Variants in TLR3 observed in about 807,000 individuals in gnomAD.
TLR3 encodes the protein toll-like receptor 3.
TLR3 carries 43 observed loss-of-function variants against 66.4 expected under a neutral mutation model. The ratio of observed to expected loss-of-function variants is 0.65; its 90% CI spans 0.51 to 0.83. TLR3 has a LOEUF of 0.83. Among genes scored for constraint, TLR3 ranks in the 40% least tolerant of loss-of-function variants. The pLI is 0.00. For missense variants in TLR3, 982 were observed against 1,044.6 expected (o/e 0.94, Z 0.83); for synonymous variants, 397 against 397.2 (o/e 1.00, Z 0.01).
intron 3 of TLR3, 92 bp downstream of exon 3, chr4:186,079,123 C>A: frequency 8.7e-7 from 1 of 1,150,388 alleles, no homozygotes; most frequent in Non-Finnish European, 1.3e-6. Flanking sequence ...TGCTCTCTAG[C>A]CTCTGCCTGT....
chr4:186,072,790 C>T (rs1232867460), intron 1 of TLR3, among the ~76,000 whole-genome samples: 2 of 152,114 alleles, frequency 1.3e-5, no homozygotes, highest in Non-Finnish European at 2.9e-5. Flanking sequence ...TGGGTGGAGA[C>T]GCAGAGGCAA....
intron 1 of TLR3, among the ~76,000 whole-genome samples, chr4:186,071,968 A>T (rs2150065274): frequency 6.6e-6 from 1 of 152,334 alleles, no homozygotes; most frequent in East Asian, 1.9e-4. Context: ...TGATCACACC[A>T]CAGAGTATCA....
At position 186,084,813 on chromosome 4, in the gene TLR3, G is replaced by C; in HGVS notation, c.2655G>C (p.Arg885=). The change falls in exon 5 of 5, where the codon CGG becomes CGC. Residue 885 remains arginine, a synonymous_variant. Transcript: ENST00000296795. ...CILNWPVQKE[R]IGAFRHKLQV... is the part of the protein sequence containing the mutation. ...TGAACTGGCCAGTTCAGAAAGAACG[G>C]ATAGGTGCCTTTCGTCATAAATTGC... The C allele has an allele frequency of 6.2e-7, 1 of 1,614,042 alleles. No individual in the cohort carries two copies. The highest frequency in any genetic ancestry group is 8.5e-7 in the Non-Finnish European group (1 of 1,180,000).
Position 186,084,902 on chromosome 4 carries a change from A to G in TLR3, c.*29A>G, listed in dbSNP as rs1164808453. 1 of 1,565,748 alleles carries G rather than the reference A, an allele frequency of 6.4e-7. No homozygotes were observed. The highest frequency in any genetic ancestry group is 2.3e-5 in the East Asian group (1 of 44,012). ...TATTTAAATATTCAATTAGCAAAGG[A>G]GAAACTTTCTCAATTTAAAAAGTTC... On this transcript the variant is annotated 3_prime_UTR_variant, in exon 5 of 5. Transcript: ENST00000296795.
Position 186,082,814 on chromosome 4 carries a change from A to G in TLR3, c.1128A>G (p.Thr376=). 6.2e-7 allele frequency: 1 copy of G among 1,614,122 alleles called. No individual in the cohort carries two copies. The highest frequency in any genetic ancestry group is 8.5e-7 in the Non-Finnish European group (1 of 1,179,994). ...CAGGCATAAAAAGCAATATGTTCACAGGATTGATAAACCTGAAATACTTAA... is the reference window on the plus strand; with the variant it reads ...CAGGCATAAAAAGCAATATGTTCACGGGATTGATAAACCTGAAATACTTAA... The part of the protein sequence containing the change: ...DIPGIKSNMF[T]GLINLKYLSL... The change falls in exon 4 of 5, where the codon ACA becomes ACG. Residue 376 remains threonine, a synonymous_variant. Transcript: ENST00000296795.
rs547797985 is a variant in TLR3 at position 186,082,678 on chromosome 4, G to T, written c.992G>T (p.Arg331Leu). 1 of 1,613,874 alleles carries T rather than the reference G, an allele frequency of 6.2e-7. No homozygotes were observed. The highest frequency in any genetic ancestry group is 1.7e-5 in the Admixed American group (1 of 60,010). The change falls in exon 4 of 5, where the codon CGG (arginine) becomes CTG (leucine). Residue 331 changes from arginine to leucine, a missense_variant. Arg to Leu is a moderately radical substitution (Grantham distance 102). Around this residue, in one of 3 missense-constraint regions of TLR3, gnomAD observed 666 missense variants for 709.0 expected, o/e 0.94. Coordinates refer to ENST00000296795, the MANE Select transcript of TLR3 (RefSeq NM_003265.3). The part of the protein sequence containing the change: ...LFNVRYLNLK[R>L]SFTKQSISLA... Reference sequence around the variant, plus strand: ...AATGTGAGGTACCTGAATTTGAAACGGTCTTTTACTAAACAAAGTATTTCC... The same window carrying T: ...AATGTGAGGTACCTGAATTTGAAACTGTCTTTTACTAAACAAAGTATTTCC...
In TLR3 at chr4:186,083,576, C is replaced by G. The variant is rs145921610; in HGVS notation, c.1890C>G (p.Phe630Leu). The G allele has an allele frequency of 3.1e-6, 5 of 1,612,890 alleles. No individual in the cohort carries two copies. The highest frequency in any genetic ancestry group is 3.4e-6 in the Non-Finnish European group (4 of 1,179,572). ...NLITSVEKKV[F>L]GPAFRNLTEL... ...TAACATCCGTTGAGAAGAAGGTTTT[C>G]GGGCCAGCTTTCAGGAACCTGACTG... Residue 630 changes from phenylalanine to leucine, a missense_variant, in exon 4 of 5, where the codon TTC (phenylalanine) becomes TTG (leucine). Phe to Leu is a conservative substitution (Grantham distance 22, BLOSUM62 0). Coordinates refer to ENST00000296795, the MANE Select transcript of TLR3 (RefSeq NM_003265.3). The surrounding 1 kb of genome is among the most constrained non-coding windows in gnomAD (Gnocchi z 4.0).
Position 186,082,845 on chromosome 4 carries a change from T to C in TLR3, c.1159T>C (p.Ser387Pro). 6.2e-7 allele frequency: 1 copy of C among 1,613,810 alleles called. No homozygotes were observed. The highest frequency in any genetic ancestry group is 8.5e-7 in the Non-Finnish European group (1 of 1,179,776). Residue 387 changes from serine (S) to proline (P), a missense_variant, in exon 4 of 5, where the codon TCC (serine) becomes CCC (proline). Coordinates refer to ENST00000296795, the MANE Select transcript of TLR3 (RefSeq NM_003265.3). The stretch of plus-strand genomic sequence containing the variant: ...GATAAACCTGAAATACTTAAGTCTA[T>C]CCAACTCCTTTACAAGTTTGCGAAC... ...GLINLKYLSL[S>P]NSFTSLRTLT...
At chr4:186,078,380 A>G (rs1481665766) in intron 2 of TLR3, among the ~76,000 whole-genome samples, 1 of 152,198 alleles carries the variant, frequency 6.6e-6, no homozygotes. Flanking sequence ...AAAATTTCAT[A>G]GATGGCAAAA....
rs2099304491 is a variant in TLR3 at position 186,087,160 on chromosome 4, G to A, written c.*2287G>A. ...ATTTTTCCATTTGATTGAGTTCTAGGAAGCCTTTAGTTTCCCTGCCTGCAG... is the reference window on the plus strand; with the variant it reads ...ATTTTTCCATTTGATTGAGTTCTAGAAAGCCTTTAGTTTCCCTGCCTGCAG... On this transcript the variant is annotated 3_prime_UTR_variant, in exon 5 of 5. Transcript: ENST00000296795. The A allele has an allele frequency of 6.6e-6, 1 of 152,094 alleles. No homozygotes were observed. Among genetic ancestry groups the A allele is most frequent in the Non-Finnish European group, 1.5e-5 (1 of 68,018 alleles). 9.4% of individuals were successfully genotyped at this position (152,094 alleles called of 1,614,324 possible).
chr4:186,076,241 T>C (rs541405603), intron 1 of TLR3, among the ~76,000 whole-genome samples: 1 of 152,296 alleles, frequency 6.6e-6, no homozygotes, highest in Admixed American at 6.5e-5. Context: ...AAAAATATAA[T>C]TAAATTCCTT....
Position 186,082,943 on chromosome 4 carries a change from C to A in TLR3, c.1257C>A (p.Ile419=), listed in dbSNP as rs1266706642. ...TACTCAACCTAACCAAGAATAAAAT[C>A]TCAAAAATAGAGAGTGATGCTTTCT... ...LHILNLTKNK[I]SKIESDAFSW... Residue 419 remains isoleucine, a synonymous_variant, in exon 4 of 5, where the codon ATC becomes ATA. Coordinates refer to ENST00000296795, the MANE Select transcript of TLR3 (RefSeq NM_003265.3). The A allele has an allele frequency of 6.2e-7, 1 of 1,614,156 alleles. No individual in the cohort carries two copies. Among genetic ancestry groups the A allele is most frequent in the South Asian group, 1.1e-5 (1 of 91,076 alleles).
chr4:186,069,833 G>A (rs528512736), intron 1 of TLR3, among the ~76,000 whole-genome samples: 13 of 152,338 alleles, frequency 8.5e-5, no homozygotes, highest in South Asian at 2.1e-4. Context: ...AACTGGTATC[G>A]GCAATTGTGG....
At chr4:186,071,679 G>GTT (rs11320523) in intron 1 of TLR3, among the ~76,000 whole-genome samples, 8 of 152,022 alleles carry the variant, frequency 5.3e-5, no homozygotes, top group East Asian at 3.9e-4. Flanking sequence ...ATGGAAGCCA[G>GTT]TTTTTTTTGT....
intron 3 of TLR3, 117 bp downstream of exon 3, chr4:186,079,148 T>C (rs180754159): frequency 2.1e-6 from 2 of 958,658 alleles, no homozygotes; most frequent in African/African-American, 3.3e-5. Context: ...CAGCAATCCT[T>C]CCCACCTACT....
At position 186,082,685 on chromosome 4, in the gene TLR3, T is replaced by C; in HGVS notation, c.999T>C (p.Phe333=). The stretch of plus-strand genomic sequence containing the variant: ...GGTACCTGAATTTGAAACGGTCTTT[T>C]ACTAAACAAAGTATTTCCCTTGCCT... ...NVRYLNLKRS[F]TKQSISLASL... The change falls in exon 4 of 5, where the codon TTT becomes TTC. Residue 333 remains phenylalanine, a synonymous_variant. Coordinates refer to ENST00000296795, the MANE Select transcript of TLR3 (RefSeq NM_003265.3). 1 of 1,614,100 alleles carries C rather than the reference T, an allele frequency of 6.2e-7. No homozygotes were observed. Among genetic ancestry groups the C allele is most frequent in the Non-Finnish European group, 8.5e-7 (1 of 1,179,966 alleles).
intron 1 of TLR3, among the ~76,000 whole-genome samples, chr4:186,072,164 G>A (rs1177101941): frequency 6.6e-6 from 1 of 152,222 alleles, no homozygotes; most frequent in Non-Finnish European, 1.5e-5. Flanking sequence ...TGCAAGTGGT[G>A]CAGGCAGCAT....
chr4:186,082,045 T>G (rs2099303581), intron 3 of TLR3: 2 of 423,880 alleles, frequency 4.7e-6, no homozygotes, highest in Non-Finnish European at 8.5e-6. Flanking sequence ...GCCTACACGG[T>G]GAAACCCCGA....
rs571300094 is a variant in TLR3, at chr4:186,083,369, G to T, written c.1683G>T (p.Leu561=). ...PGGPIYFLKG[L]SHLHILNLES... ...GTCCCATTTATTTCCTAAAGGGTCT[G>T]TCTCACCTCCACATCCTTAACTTGG... Residue 561 remains leucine (L), a synonymous_variant, in exon 4 of 5, where the codon CTG becomes CTT. Transcript: ENST00000296795. This position sits in a 1 kb window ranked among gnomAD's most constrained non-coding sequence, Gnocchi z 4.0. The T allele has an allele frequency of 6.8e-6, 11 of 1,614,180 alleles. No individual in the cohort carries two copies. Among genetic ancestry groups the T allele is most frequent in the Non-Finnish European group, 9.3e-6 (11 of 1,180,032 alleles).
Sources: allele counts gnomAD v4.1 joint callset (sites outside exome capture counted in the v4.1 genomes callset), GRCh38; gene constraint gnomAD v4.1.1; regional missense constraint gnomAD v4.1.1; non-coding constraint Gnocchi (gnomAD v3.1); transcripts MANE v1.5; gene names NCBI Gene and HGNC (gene_info 2026-07-23, HGNC 2026-07-21).